Variants in FBXL13 observed in about 807,000 individuals in gnomAD.
The protein encoded by FBXL13 is F-box and leucine rich repeat protein 13.
A neutral mutation model predicts 83.6 loss-of-function variants in FBXL13; 67 were observed. The observed-to-expected ratio is 0.80, with a 90% CI of 0.66 to 0.98. The LOEUF is 0.98. Ranked by LOEUF, FBXL13 falls within the 50% of genes least tolerant of loss-of-function variation. The pLI is 0.00. For synonymous variants in FBXL13, 272 were observed against 299.5 expected (o/e 0.91, Z 0.95); for missense variants, 822 against 866.5 (o/e 0.95, Z 0.64).
chr7:102,831,431 A>ACACACCCCCCC (rs1033135095), intron 18 of FBXL13, among the ~76,000 whole-genome samples: 25 of 147,126 alleles, frequency 1.7e-4, no homozygotes, highest in African/African-American at 5.7e-4. Flanking sequence ...ACACACACAC[A>ACACACCCCCCC]CCCCACTACA....
chr7:102,983,652 C>G (rs575526393), intron 6 of FBXL13, among the ~76,000 whole-genome samples: 1 of 152,144 alleles, frequency 6.6e-6, no homozygotes, highest in African/African-American at 2.4e-5. Context: ...AACTCCTGAC[C>G]TCAAGTGATC....
intron 11 of FBXL13, among the ~76,000 whole-genome samples, chr7:102,897,208 A>T (rs1467628538): frequency 6.6e-6 from 1 of 151,864 alleles, no homozygotes; most frequent in African/African-American, 2.4e-5. Context: ...TTGTTATTGT[A>T]GGTGATATAA....
intron 19 of FBXL13, among the ~76,000 whole-genome samples, chr7:102,819,970 A>C (rs1459405951): frequency 6.6e-6 from 1 of 152,194 alleles, no homozygotes; most frequent in Non-Finnish European, 1.5e-5. Context: ...CTCTAATAAA[A>C]AAATTTGAGG....
At chr7:102,927,721 C>T (rs1818397080) in intron 9 of FBXL13, among the ~76,000 whole-genome samples, 1 of 152,172 alleles carries the variant, frequency 6.6e-6, no homozygotes, top group Admixed American at 6.5e-5. Flanking sequence ...CTACTCTTAA[C>T]TACAGTATTC....
At chr7:103,069,610 C>T (rs1355055578) in intron 1 of FBXL13, among the ~76,000 whole-genome samples, 1 of 152,046 alleles carries the variant, frequency 6.6e-6, no homozygotes, top group Admixed American at 6.6e-5. Flanking sequence ...CAGATGTAAA[C>T]CGAACCCAAA....
At chr7:102,997,182 C>G (rs1349623844) in intron 6 of FBXL13, among the ~76,000 whole-genome samples, 1 of 152,134 alleles carries the variant, frequency 6.6e-6, no homozygotes, top group Non-Finnish European at 1.5e-5. Context: ...AGAGATTTTA[C>G]TTTCAGACAC....
At chr7:103,038,493 T>C (rs1015056457) in intron 2 of FBXL13, among the ~76,000 whole-genome samples, 1 of 152,202 alleles carries the variant, frequency 6.6e-6, no homozygotes, top group African/African-American at 2.4e-5. Context: ...GCTCTGAGAA[T>C]GGACAGACTG....
intron 2 of FBXL13, among the ~76,000 whole-genome samples, chr7:103,054,381 C>T (rs537867853): frequency 7.0e-6 from 1 of 143,564 alleles, no homozygotes; most frequent in East Asian, 2.1e-4. Flanking sequence ...CAGAGCAAGA[C>T]TCCGTCTGGA....
chr7:102,880,445 G>T (rs1472834836), intron 14 of FBXL13, among the ~76,000 whole-genome samples: 1 of 151,996 alleles, frequency 6.6e-6, no homozygotes, highest in Non-Finnish European at 1.5e-5. Context: ...GCATTCCATT[G>T]TTTATTTCAA....
At chr7:102,903,941 T>TTTCTTTTC (rs1274088844) in intron 11 of FBXL13, among the ~76,000 whole-genome samples, 30 of 132,042 alleles carry the variant, frequency 2.3e-4, no homozygotes, top group African/African-American at 9.3e-4. Flanking sequence ...TTTCTTTTCT[T>TTTCTTTTC]TTTTTTTTTT....
downstream of FBXL13, among the ~76,000 whole-genome samples, chr7:102,811,355 T>C (rs1158899693): frequency 2.6e-5 from 4 of 152,224 alleles, no homozygotes; most frequent in African/African-American, 7.2e-5. Flanking sequence ...CTAACTAATA[T>C]CTTTGATATT....
intron 8 of FBXL13, among the ~76,000 whole-genome samples, chr7:102,938,208 C>G (rs548907836): frequency 6.6e-6 from 1 of 152,220 alleles, no homozygotes; most frequent in African/African-American, 2.4e-5. Context: ...TTTAGCTTCA[C>G]ATTGACCAGA....
intron 17 of FBXL13, among the ~76,000 whole-genome samples, chr7:102,845,661 A>C (rs1199537657): frequency 6.6e-6 from 1 of 152,128 alleles, no homozygotes; most frequent in East Asian, 1.9e-4. Context: ...ATGTTCTCTA[A>C]TCCATTTCCT....
At chr7:103,016,037 C>T (rs796351977) in intron 6 of FBXL13, among the ~76,000 whole-genome samples, 2 of 152,044 alleles carry the variant, frequency 1.3e-5, no homozygotes, top group African/African-American at 4.8e-5. Context: ...ATAAACAATC[C>T]ATGCTCATGG....
chr7:102,836,651 C>T (rs1273804670), intron 17 of FBXL13, among the ~76,000 whole-genome samples: 14 of 152,358 alleles, frequency 9.2e-5, no homozygotes, highest in African/African-American at 3.4e-4. Flanking sequence ...TGTTGGCAAT[C>T]TGGAAGAAAA....
At chr7:102,813,754 C>G (rs1253021928) in intron 19 of FBXL13, among the ~76,000 whole-genome samples, 1 of 152,272 alleles carries the variant, frequency 6.6e-6, no homozygotes, top group Non-Finnish European at 1.5e-5. Flanking sequence ...TTAACAGATA[C>G]AGTGAATGGG....
intron 11 of FBXL13, among the ~76,000 whole-genome samples, chr7:102,893,486 G>A (rs957642443): frequency 4.6e-5 from 7 of 152,210 alleles, no homozygotes; most frequent in Admixed American, 2.0e-4. Context: ...GAAAGGAGAG[G>A]CTGGGCGCGG....
chr7:103,005,762 A>G (rs1203197836), intron 6 of FBXL13, among the ~76,000 whole-genome samples: 2 of 152,214 alleles, frequency 1.3e-5, no homozygotes, highest in South Asian at 2.1e-4. Flanking sequence ...ATCTTCAAAT[A>G]TAGTACATTG....
At chr7:102,961,022 T>C (rs1399999680) in intron 8 of FBXL13, among the ~76,000 whole-genome samples, 1 of 148,572 alleles carries the variant, frequency 6.7e-6, no homozygotes, top group Non-Finnish European at 1.5e-5. Context: ...GGGTATTCAA[T>C]TAGGAAAAGA....
Sources: allele counts gnomAD v4.1 joint callset (sites outside exome capture counted in the v4.1 genomes callset), GRCh38; gene constraint gnomAD v4.1.1; transcripts MANE v1.5; gene names NCBI Gene and HGNC (gene_info 2026-07-23, HGNC 2026-07-21).